Variants in LCLAT1 observed in about 807,000 individuals in gnomAD.
The protein encoded by LCLAT1 is 1-AGP acyltransferase 8.
LCLAT1 carries 11 observed loss-of-function variants against 30.7 expected under a neutral mutation model. The ratio of observed to expected loss-of-function variants is 0.36; its 90% CI spans 0.23 to 0.59. LCLAT1 has a LOEUF of 0.59. LCLAT1 is among the 20% of genes least tolerant of loss of function. LCLAT1 has a pLI of 0.77. For synonymous variants in LCLAT1, 155 were observed against 151.3 expected, an observed-to-expected ratio of 1.02 and a Z score of -0.18; for missense variants, 402 against 458.6, an observed-to-expected ratio of 0.88 and a Z score of 1.13.
chr2:30,496,773 A>T (rs529518862), intron 1 of LCLAT1, among the ~76,000 whole-genome samples: 2 of 152,186 alleles, frequency 1.3e-5, no homozygotes, highest in East Asian at 3.9e-4. Context: ...AGTTCCTTGA[A>T]CCTAACAAGC....
At chr2:30,449,696 C>T (rs1034746483) in intron 1 of LCLAT1, among the ~76,000 whole-genome samples, 10 of 152,032 alleles carry the variant, frequency 6.6e-5, no homozygotes, top group Admixed American at 5.9e-4. Context: ...GACGGGGTTT[C>T]TCTGTGTTGG....
At chr2:30,478,778 G>C (rs1238487721) in intron 1 of LCLAT1, among the ~76,000 whole-genome samples, 1 of 152,164 alleles carries the variant, frequency 6.6e-6, no homozygotes, top group Non-Finnish European at 1.5e-5. Flanking sequence ...TTCATAACCA[G>C]AAACTACAGT....
chr2:30,603,865 T>C (rs949230401), intron 5 of LCLAT1, among the ~76,000 whole-genome samples: 12 of 152,150 alleles, frequency 7.9e-5, no homozygotes, highest in African/African-American at 2.7e-4. Flanking sequence ...TTTGTACTTC[T>C]AGCAGAGAGT....
chr2:30,484,819 T>C (rs2148316571), intron 1 of LCLAT1, among the ~76,000 whole-genome samples: 1 of 152,312 alleles, frequency 6.6e-6, no homozygotes, highest in South Asian at 2.1e-4. Context: ...TTATCAAATA[T>C]TTCATTTTCC....
intron 1 of LCLAT1, among the ~76,000 whole-genome samples, chr2:30,508,982 A>G (rs1013364512): frequency 1.3e-5 from 2 of 151,962 alleles, no homozygotes; most frequent in Admixed American, 1.3e-4. Flanking sequence ...AAATCTTTTC[A>G]CCTTACTGAT....
chr2:30,482,111 A>G (rs963778427), intron 1 of LCLAT1, among the ~76,000 whole-genome samples: 7 of 152,206 alleles, frequency 4.6e-5, no homozygotes, highest in African/African-American at 1.7e-4. Flanking sequence ...TGCAAAAACT[A>G]TTTCATCTTA....
At chr2:30,542,123 T>C (rs1288786364) in intron 3 of LCLAT1, among the ~76,000 whole-genome samples, 1 of 152,216 alleles carries the variant, frequency 6.6e-6, no homozygotes, top group Non-Finnish European at 1.5e-5. Context: ...ATATAGGCTC[T>C]TTATAGATAG....
intron 1 of LCLAT1, among the ~76,000 whole-genome samples, chr2:30,467,273 C>A (rs1420163153): frequency 6.6e-6 from 1 of 152,180 alleles, no homozygotes; most frequent in South Asian, 2.1e-4. Flanking sequence ...ATGAACTCAT[C>A]CTTTTTTATG....
intron 5 of LCLAT1, among the ~76,000 whole-genome samples, chr2:30,626,266 C>A (rs1427910755): frequency 1.3e-5 from 2 of 152,166 alleles, no homozygotes; most frequent in Non-Finnish European, 2.9e-5. Flanking sequence ...GTTTTGGCAA[C>A]TTGTAAACAA....
chr2:30,482,967 C>G (rs1277341370), intron 1 of LCLAT1, among the ~76,000 whole-genome samples: 1 of 151,930 alleles, frequency 6.6e-6, no homozygotes, highest in Non-Finnish European at 1.5e-5. Context: ...CCAAGAGGAG[C>G]CAAGGGAGAC....
intron 1 of LCLAT1, among the ~76,000 whole-genome samples, chr2:30,470,230 A>G (rs1343354602): frequency 6.6e-6 from 1 of 152,206 alleles, no homozygotes; most frequent in Non-Finnish European, 1.5e-5. Flanking sequence ...GGGTTTTACA[A>G]TAATGAGGTA....
At chr2:30,585,768 G>A (rs1404545965) in intron 5 of LCLAT1, among the ~76,000 whole-genome samples, 4 of 152,088 alleles carry the variant, frequency 2.6e-5, no homozygotes, top group African/African-American at 9.7e-5. Flanking sequence ...TTGCTCTTGG[G>A]TGGCACACAG....
At chr2:30,568,280 C>G in intron 5 of LCLAT1, 104 bp downstream of exon 5, 1 of 578,614 alleles carries the variant, frequency 1.7e-6, no homozygotes, top group South Asian at 2.8e-5. Flanking sequence ...ACTACTTTGT[C>G]TCAAGAAATG....
intron 1 of LCLAT1, among the ~76,000 whole-genome samples, chr2:30,525,130 T>A (rs829616): frequency 0.85 from 129,255 of 152,004 alleles, 55,104 homozygotes; most frequent in East Asian, 0.94. Context: ...TTTTTGAAAC[T>A]GTCTCATTCT....
chr2:30,573,838 T>G (rs1376996336), intron 5 of LCLAT1, among the ~76,000 whole-genome samples: 1 of 152,200 alleles, frequency 6.6e-6, no homozygotes, highest in African/African-American at 2.4e-5. Context: ...ACCCTTCAAA[T>G]TTTTTGAGCC....
intron 1 of LCLAT1, among the ~76,000 whole-genome samples, chr2:30,507,900 A>G (rs1036141912): frequency 6.6e-6 from 1 of 151,916 alleles, no homozygotes. Context: ...ACTAATTTAC[A>G]CTCCCACCAG....
intron 5 of LCLAT1, among the ~76,000 whole-genome samples, chr2:30,569,428 C>T (rs1285078695): frequency 1.3e-5 from 2 of 152,146 alleles, no homozygotes; most frequent in East Asian, 3.8e-4. Flanking sequence ...GTTCAAAGCC[C>T]ACAGTCAACT....
chr2:30,516,493 T>C (rs1382342443), intron 1 of LCLAT1, among the ~76,000 whole-genome samples: 1 of 152,190 alleles, frequency 6.6e-6, no homozygotes, highest in Non-Finnish European at 1.5e-5. Context: ...GCATTCATCC[T>C]AGTAGAGCTG....
intron 1 of LCLAT1, among the ~76,000 whole-genome samples, chr2:30,481,128 G>A (rs1050449080): frequency 1.8e-4 from 28 of 152,296 alleles, no homozygotes; most frequent in Admixed American, 1.4e-3. Context: ...CTTGAGGTGG[G>A]ATGTGGCCTG....
Sources: allele counts gnomAD v4.1 joint callset (sites outside exome capture counted in the v4.1 genomes callset), GRCh38; gene constraint gnomAD v4.1.1; transcripts MANE v1.5; gene names NCBI Gene and HGNC (gene_info 2026-07-23, HGNC 2026-07-21).